Variants in LRRC4C observed in about 807,000 individuals in gnomAD.
The protein encoded by LRRC4C is leucine-rich repeat-containing protein 4C.
LRRC4C carries 5 observed loss-of-function variants against 33.6 expected under a neutral mutation model. The ratio of observed to expected loss-of-function variants is 0.15; its 90% CI spans 0.08 to 0.31. The LOEUF is 0.31. LRRC4C is among the 10% of genes least tolerant of loss of function. LRRC4C has a pLI of 1.00. For missense variants in LRRC4C, 560 were observed against 796.7 expected (o/e 0.70, Z 3.58); for synonymous variants, 329 against 302.0 (o/e 1.09, Z -0.93).
At chr11:40,498,566 G>T (rs984981887) in intron 3 of LRRC4C, among the ~76,000 whole-genome samples, 4 of 152,140 alleles carry the variant, frequency 2.6e-5, no homozygotes, top group Non-Finnish European at 4.4e-5. Context: ...ATCTTAGGTC[G>T]ATAGCCTTGG....
At chr11:41,006,758 T>C (rs1003183139) in intron 1 of LRRC4C, among the ~76,000 whole-genome samples, 8 of 152,276 alleles carry the variant, frequency 5.3e-5, no homozygotes, top group Non-Finnish European at 7.4e-5. Flanking sequence ...AAGGATTAAA[T>C]AACACTGGAA....
At chr11:41,405,741 C>A (rs1328613910) in intron 1 of LRRC4C, among the ~76,000 whole-genome samples, 1 of 151,970 alleles carries the variant, frequency 6.6e-6, no homozygotes, top group Admixed American at 6.6e-5. Context: ...AAATTCAATT[C>A]TTTTAGGGGC....
chr11:40,929,374 T>G (rs1204249941), intron 2 of LRRC4C, among the ~76,000 whole-genome samples: 1 of 152,176 alleles, frequency 6.6e-6, no homozygotes, highest in African/African-American at 2.4e-5. Flanking sequence ...AAATTGCACT[T>G]GTACCCCTTA....
intron 5 of LRRC4C, among the ~76,000 whole-genome samples, chr11:40,209,612 G>A (rs757800975): frequency 1.6e-4 from 25 of 151,940 alleles, no homozygotes; most frequent in Non-Finnish European, 3.2e-4. Context: ...GTGCGATCTC[G>A]GCTCACGGCA....
intron 2 of LRRC4C, among the ~76,000 whole-genome samples, chr11:40,796,504 A>T (rs1171795456): frequency 6.6e-6 from 1 of 152,148 alleles, no homozygotes; most frequent in African/African-American, 2.4e-5. Context: ...TTAATAAGTC[A>T]GGCATGTACA....
At chr11:41,285,417 T>G (rs950532502) in intron 1 of LRRC4C, among the ~76,000 whole-genome samples, 1 of 152,246 alleles carries the variant, frequency 6.6e-6, no homozygotes, top group African/African-American at 2.4e-5. Flanking sequence ...AGGCAGATGC[T>G]AAGCAAGATA....
At chr11:40,296,175 A>C (rs543579742) in intron 4 of LRRC4C, among the ~76,000 whole-genome samples, 41 of 152,262 alleles carry the variant, frequency 2.7e-4, no homozygotes, top group African/African-American at 9.9e-4. Flanking sequence ...AAAATGGAAA[A>C]AGGAACAGCT....
chr11:40,885,576 C>G (rs539120044), intron 2 of LRRC4C, among the ~76,000 whole-genome samples: 4 of 152,074 alleles, frequency 2.6e-5, no homozygotes, highest in Non-Finnish European at 5.9e-5. Flanking sequence ...GAATGGTAAA[C>G]AGCCTCACAG....
chr11:41,311,655 C>A (rs1950645543), intron 1 of LRRC4C, among the ~76,000 whole-genome samples: 1 of 152,120 alleles, frequency 6.6e-6, no homozygotes, highest in Non-Finnish European at 1.5e-5. Flanking sequence ...TGCCTAAACT[C>A]ACAGAAATTC....
At chr11:40,296,380 T>C (rs1288827067) in intron 4 of LRRC4C, among the ~76,000 whole-genome samples, 2 of 152,154 alleles carry the variant, frequency 1.3e-5, no homozygotes, top group African/African-American at 2.4e-5. Flanking sequence ...TATTTAGTAC[T>C]CAAAACAACA....
intron 2 of LRRC4C, among the ~76,000 whole-genome samples, chr11:40,702,045 T>C (rs1174385915): frequency 6.6e-6 from 1 of 152,050 alleles, no homozygotes. Context: ...TCAATAGTCA[T>C]ACATAAAATT....
chr11:41,084,995 T>C (rs1277537182), intron 1 of LRRC4C, among the ~76,000 whole-genome samples: 1 of 152,284 alleles, frequency 6.6e-6, no homozygotes, highest in East Asian at 1.9e-4. Context: ...CATATATAAA[T>C]AGTGGTTAAA....
At chr11:40,941,674 T>A (rs929096722) in intron 1 of LRRC4C, among the ~76,000 whole-genome samples, 3 of 152,178 alleles carry the variant, frequency 2.0e-5, no homozygotes, top group Non-Finnish European at 1.5e-5. Flanking sequence ...TAGTTTTGAT[T>A]GTTTTAACCT....
At chr11:41,381,452 C>G (rs1038659871) in intron 1 of LRRC4C, among the ~76,000 whole-genome samples, 3 of 151,644 alleles carry the variant, frequency 2.0e-5, no homozygotes, top group East Asian at 2.0e-4. Flanking sequence ...AGGGTGAAAC[C>G]CTGTCTGTAC....
chr11:41,128,059 T>C (rs1422853249), intron 1 of LRRC4C, among the ~76,000 whole-genome samples: 2 of 152,078 alleles, frequency 1.3e-5, no homozygotes, highest in Admixed American at 1.3e-4. Flanking sequence ...AATTGGTAGA[T>C]TGCACTATTC....
chr11:40,736,303 G>A (rs924763580), intron 2 of LRRC4C, among the ~76,000 whole-genome samples: 1 of 151,986 alleles, frequency 6.6e-6, no homozygotes, highest in African/African-American at 2.4e-5. Flanking sequence ...TGAGAAGGAT[G>A]GTTTCCAGCT....
At chr11:41,017,388 A>T in intron 1 of LRRC4C, among the ~76,000 whole-genome samples, 1 of 152,180 alleles carries the variant, frequency 6.6e-6, no homozygotes, top group East Asian at 1.9e-4. Flanking sequence ...AAAGCCTTTG[A>T]TTATATCCAA....
chr11:40,321,649 C>G (rs1055220955), intron 3 of LRRC4C, among the ~76,000 whole-genome samples: 1 of 152,130 alleles, frequency 6.6e-6, no homozygotes, highest in Non-Finnish European at 1.5e-5. Context: ...CCTGGCACTA[C>G]AAAGCTTGAT....
At chr11:40,350,985 T>C (rs1224958357) in intron 3 of LRRC4C, among the ~76,000 whole-genome samples, 3 of 152,086 alleles carry the variant, frequency 2.0e-5, no homozygotes, top group African/African-American at 4.8e-5. Flanking sequence ...GTTTTTTTGA[T>C]GGAGTTTTCA....
Sources: allele counts gnomAD v4.1 joint callset (sites outside exome capture counted in the v4.1 genomes callset), GRCh38; gene constraint gnomAD v4.1.1; transcripts MANE v1.5; gene names NCBI Gene and HGNC (gene_info 2026-07-23, HGNC 2026-07-21).